GRID2: variants seen among roughly 807,000 people sequenced by gnomAD.
GRID2 encodes the protein glutamate receptor ionotropic, delta-2.
GRID2 carries 33 observed loss-of-function variants against 114.8 expected under a neutral mutation model. The ratio of observed to expected loss-of-function variants is 0.29; its 90% CI spans 0.22 to 0.38. GRID2 has a LOEUF of 0.38. GRID2 is among the 10% of genes least tolerant of loss of function. The pLI, the probability that GRID2 is intolerant of heterozygous loss-of-function variation, is 1.00. For synonymous variants in GRID2, 505 were observed against 449.9 expected, an observed-to-expected ratio of 1.12 and a Z score of -1.55; for missense variants, 1,184 against 1,257.7, an observed-to-expected ratio of 0.94 and a Z score of 0.89.
At chr4:92,739,618 T>G (rs1736774150) in intron 2 of GRID2, among the ~76,000 whole-genome samples, 1 of 152,170 alleles carries the variant, frequency 6.6e-6, no homozygotes, top group African/African-American at 2.4e-5. Flanking sequence ...ACGAGATTCT[T>G]ATAAAATCTA....
chr4:93,522,660 G>A (rs1730453956), intron 13 of GRID2, among the ~76,000 whole-genome samples: 1 of 152,024 alleles, frequency 6.6e-6, no homozygotes, highest in Non-Finnish European at 1.5e-5. Flanking sequence ...TGAAAAGGGT[G>A]GCAGGAACAA....
chr4:92,397,537 A>T (rs1404053591), intron 1 of GRID2, among the ~76,000 whole-genome samples: 1 of 152,106 alleles, frequency 6.6e-6, no homozygotes, highest in Non-Finnish European at 1.5e-5. Flanking sequence ...GAAAAAAGAA[A>T]TTATTTATGT....
intron 2 of GRID2, among the ~76,000 whole-genome samples, chr4:92,595,991 T>C (rs1187153941): frequency 6.6e-6 from 1 of 152,126 alleles, no homozygotes; most frequent in African/African-American, 2.4e-5. Context: ...AATATGACAT[T>C]TTTACTGTGA....
At chr4:93,507,986 C>T (rs142643955) in intron 12 of GRID2, among the ~76,000 whole-genome samples, 184 of 151,778 alleles carry the variant, frequency 1.2e-3, no homozygotes, top group Non-Finnish European at 1.8e-3. Context: ...GGAAGGGGAA[C>T]ATCACACACC....
intron 12 of GRID2, among the ~76,000 whole-genome samples, chr4:93,503,821 G>A (rs1177895837): frequency 6.6e-6 from 1 of 152,056 alleles, no homozygotes; most frequent in Non-Finnish European, 1.5e-5. Context: ...TAAACAAGGT[G>A]TGAGATAAAT....
At chr4:93,614,248 G>A (rs1741338275) in intron 13 of GRID2, among the ~76,000 whole-genome samples, 1 of 152,178 alleles carries the variant, frequency 6.6e-6, no homozygotes, top group Non-Finnish European at 1.5e-5. Flanking sequence ...TACCTCAGAT[G>A]GAAATGCAGA....
At chr4:93,538,286 G>A (rs146957528) in intron 13 of GRID2, among the ~76,000 whole-genome samples, 12 of 151,702 alleles carry the variant, frequency 7.9e-5, no homozygotes, top group African/African-American at 2.9e-4. Context: ...GGGCCAAGTG[G>A]AAACACTTTC....
At position 92,889,860 on chromosome 4, in the gene GRID2, C is replaced by T. The variant is rs573786057; in HGVS notation, c.245-195135C>T. On this transcript the variant is annotated intron_variant, in intron 2 of 15. Transcript: ENST00000282020. The stretch of plus-strand genomic sequence containing the variant: ...CTGGAGGCATTGCACTATCTAACTT[C>T]AAACTATACTACAAGGCTACAGTAA... Among the ~76,000 whole-genome samples, 5 of 152,264 alleles carry T rather than the reference C, an allele frequency of 3.3e-5. No homozygotes were observed. The South Asian group carries it at 1.0e-3, about 32-fold the overall frequency.
intron 8 of GRID2, among the ~76,000 whole-genome samples, chr4:93,338,571 T>C (rs1759322633): frequency 6.6e-6 from 1 of 152,130 alleles, no homozygotes; most frequent in Admixed American, 6.5e-5. Context: ...ATTTATAAAG[T>C]TTTACAGTTT....
At chr4:92,794,935 A>G (rs1449274810) in intron 2 of GRID2, among the ~76,000 whole-genome samples, 1 of 143,870 alleles carries the variant, frequency 7.0e-6, no homozygotes, top group African/African-American at 2.6e-5. Context: ...CATATCCTGT[A>G]TACTTACAAT....
intron 4 of GRID2, among the ~76,000 whole-genome samples, chr4:93,174,909 T>A (rs989766688): frequency 6.6e-6 from 1 of 152,198 alleles, no homozygotes; most frequent in African/African-American, 2.4e-5. Context: ...GGGGCTGTTA[T>A]GAATGAAATT....
intron 2 of GRID2, among the ~76,000 whole-genome samples, chr4:92,841,559 C>T (rs1436990762): frequency 1.3e-5 from 2 of 151,806 alleles, no homozygotes; most frequent in East Asian, 1.9e-4. Context: ...ATATTAGTTT[C>T]GCTAGAAAAA....
At position 92,350,892 on chromosome 4, in the gene GRID2, G is replaced by C. The variant is rs547053841; in HGVS notation, c.88+46148G>C. On this transcript the variant is annotated intron_variant, in intron 1 of 15. Coordinates refer to ENST00000282020, the MANE Select transcript of GRID2 (RefSeq NM_001510.4). ...GACTTTCTGTCTCAATAAATTGCCTGTTCTGGATGTTTCATATAAATGGAA... is the reference window on the plus strand; with the variant it reads ...GACTTTCTGTCTCAATAAATTGCCTCTTCTGGATGTTTCATATAAATGGAA... 2.0e-5 allele frequency among the ~76,000 whole-genome samples: 3 copies of C among 151,860 alleles called. No individual in the cohort carries two copies. The South Asian group carries it at 6.2e-4, about 31-fold the overall frequency.
At chr4:92,626,679 A>G (rs774520139) in intron 2 of GRID2, among the ~76,000 whole-genome samples, 8 of 152,094 alleles carry the variant, frequency 5.3e-5, no homozygotes, top group Non-Finnish European at 4.4e-5. Flanking sequence ...TTACAAAAAC[A>G]TATGTAAAAT....
intron 10 of GRID2, among the ~76,000 whole-genome samples, chr4:93,425,172 G>T (rs1289534147): frequency 1.8e-4 from 28 of 151,926 alleles, no homozygotes; most frequent in Admixed American, 1.8e-3. Flanking sequence ...CATTTTCCTG[G>T]TTCCTCACAT....
chr4:93,695,602 G>C (rs1402507651), intron 14 of GRID2, among the ~76,000 whole-genome samples: 1 of 152,210 alleles, frequency 6.6e-6, no homozygotes, highest in Non-Finnish European at 1.5e-5. Context: ...GCCTGTGTTA[G>C]ACGGTGCTGA....
At chr4:92,436,319 A>G (rs2110349580) in intron 1 of GRID2, among the ~76,000 whole-genome samples, 1 of 152,298 alleles carries the variant, frequency 6.6e-6, no homozygotes, top group Admixed American at 6.5e-5. Context: ...AGAGAATCCT[A>G]TATCAATGAA....
intron 13 of GRID2, among the ~76,000 whole-genome samples, chr4:93,561,886 T>C (rs1292459214): frequency 2.0e-5 from 3 of 152,188 alleles, no homozygotes; most frequent in African/African-American, 7.2e-5. Flanking sequence ...TGAATAATGT[T>C]CCATTATCTG....
At chr4:92,978,299 C>A (rs921576302) in intron 2 of GRID2, among the ~76,000 whole-genome samples, 9 of 152,056 alleles carry the variant, frequency 5.9e-5, no homozygotes, top group African/African-American at 1.7e-4. Flanking sequence ...TAAATAATTA[C>A]TGAAACATTT....
Sources: allele counts gnomAD v4.1 joint callset (sites outside exome capture counted in the v4.1 genomes callset), GRCh38; gene constraint gnomAD v4.1.1; transcripts MANE v1.5; gene names NCBI Gene and HGNC (gene_info 2026-07-23, HGNC 2026-07-21).